Variants in NAV2 observed in about 807,000 individuals in gnomAD.
NAV2 encodes the protein neuron navigator 2, also known as helicase, APC down-regulated 1.
In NAV2, 54 loss-of-function variants were observed where a neutral mutation model predicts 223.2. That is an observed-to-expected ratio of 0.24 (90% CI 0.19 to 0.30). The LOEUF is 0.30. Ranked by LOEUF, NAV2 falls within the 10% of genes least tolerant of loss-of-function variation. The pLI is 1.00. For synonymous variants in NAV2, 1,279 were observed against 1,239.3 expected, an observed-to-expected ratio of 1.03 and a Z score of -0.67; for missense variants, 2,806 against 3,147.5, an observed-to-expected ratio of 0.89 and a Z score of 2.60.
At chr11:19,684,296 C>T (rs756921836) in intron 1 of NAV2, among the ~76,000 whole-genome samples, 3 of 152,194 alleles carry the variant, frequency 2.0e-5, no homozygotes, top group Admixed American at 2.0e-4. Context: ...TCACAATGTC[C>T]TCCCATCATT....
chr11:19,750,734 C>G (rs772749295), intron 1 of NAV2, among the ~76,000 whole-genome samples: 19 of 152,222 alleles, frequency 1.2e-4, no homozygotes, highest in East Asian at 5.8e-4. Flanking sequence ...GAGGCAGAGA[C>G]AGAGTCAGAA....
chr11:19,647,911 C>G (rs2047862731), intron 1 of NAV2, among the ~76,000 whole-genome samples: 1 of 152,182 alleles, frequency 6.6e-6, no homozygotes, highest in South Asian at 2.1e-4. Context: ...TTAATCCTCC[C>G]AACTGTTGTG....
At chr11:19,384,658 T>C (rs1848965399) in intron 1 of NAV2, 1 of 152,284 alleles carries the variant, frequency 6.6e-6, no homozygotes. Context: ...GATAGGACCA[T>C]GTATCCTGTA....
upstream of NAV2, among the ~76,000 whole-genome samples, chr11:19,709,717 C>G (rs2049805948): frequency 6.6e-6 from 1 of 151,890 alleles, no homozygotes; most frequent in African/African-American, 2.4e-5. Context: ...CGCCTGTAAT[C>G]CCAGCTGCAG....
chr11:20,047,956 C>T (rs1292713476), intron 14 of NAV2, among the ~76,000 whole-genome samples: 2 of 152,160 alleles, frequency 1.3e-5, no homozygotes, highest in East Asian at 1.9e-4. Flanking sequence ...GAGTTCTCTG[C>T]CAGTGGAAGA....
At chr11:19,733,704 A>G (rs1395661323) in intron 1 of NAV2, among the ~76,000 whole-genome samples, 1 of 152,144 alleles carries the variant, frequency 6.6e-6, no homozygotes, top group Non-Finnish European at 1.5e-5. Flanking sequence ...GAAAGCTATC[A>G]TGGGATTCCA....
chr11:19,657,094 C>T (rs1327996133), intron 1 of NAV2, among the ~76,000 whole-genome samples: 4 of 152,104 alleles, frequency 2.6e-5, no homozygotes, highest in Non-Finnish European at 5.9e-5. Flanking sequence ...GTTAGCTCTA[C>T]AGATTCAGAG....
rs140300014 is a variant in NAV2 at position 19,822,587 on chromosome 11, T to A, written c.268-9897T>A. ...GCTGGTCACTTGCTCTGTGTGAGTA[T>A]CCCTTTGAAACAAAGGCTTCTAGGT... On this transcript the variant is annotated intron_variant, in intron 1 of 37. Transcript: ENST00000349880. Among the ~76,000 whole-genome samples the A allele has an allele frequency of 5.9e-5, 9 of 152,252 alleles. No individual in the cohort carries two copies. The East Asian group carries it at 7.7e-4, about 13-fold the overall frequency.
intron 1 of NAV2, among the ~76,000 whole-genome samples, chr11:19,427,698 T>G (rs1460511529): frequency 6.6e-6 from 1 of 152,212 alleles, no homozygotes; most frequent in African/African-American, 2.4e-5. Flanking sequence ...ATTTAGGGTA[T>G]TTACCATTCT....
intron 1 of NAV2, among the ~76,000 whole-genome samples, chr11:19,824,239 T>TCC (rs1291968580): frequency 1.3e-5 from 2 of 152,212 alleles, no homozygotes; most frequent in African/African-American, 4.8e-5. Context: ...GGGATATGAC[T>TCC]CCCCAAGGGT....
At chr11:20,112,886 C>T (rs976546820) in intron 36 of NAV2, among the ~76,000 whole-genome samples, 4 of 152,216 alleles carry the variant, frequency 2.6e-5, no homozygotes, top group South Asian at 2.1e-4. Context: ...AGCTCAGCTT[C>T]ACACTGTTGT....
At chr11:19,522,379 A>G (rs938793818) in intron 1 of NAV2, among the ~76,000 whole-genome samples, 4 of 152,204 alleles carry the variant, frequency 2.6e-5, no homozygotes, top group Non-Finnish European at 5.9e-5. Context: ...TTCTGTGTTT[A>G]CAGGAGTGTG....
intron 35 of NAV2, chr11:20,107,362 A>G: frequency 4.1e-6 from 1 of 243,596 alleles, no homozygotes. Flanking sequence ...CTGGGATTAT[A>G]GGCGTGAGCC....
intron 1 of NAV2, among the ~76,000 whole-genome samples, chr11:19,831,849 G>T (rs1299952791): frequency 6.6e-6 from 1 of 152,146 alleles, no homozygotes; most frequent in Non-Finnish European, 1.5e-5. Context: ...AATTTGCTTG[G>T]TTTTGTTCAC....
At chr11:19,576,380 TC>T (rs2045571893) in intron 1 of NAV2, among the ~76,000 whole-genome samples, 1 of 152,180 alleles carries the variant, frequency 6.6e-6, no homozygotes, top group South Asian at 2.1e-4. Context: ...TTGAAACCAC[TC>T]GCTTCTTACT....
intron 11 of NAV2, among the ~76,000 whole-genome samples, chr11:20,010,435 C>G (rs1371273320): frequency 6.6e-6 from 1 of 152,146 alleles, no homozygotes; most frequent in Non-Finnish European, 1.5e-5. Context: ...TTGTGAGTCT[C>G]CTTTTCTCCC....
intron 11 of NAV2, among the ~76,000 whole-genome samples, chr11:19,990,980 T>C (rs1013017131): frequency 6.6e-5 from 10 of 152,316 alleles, no homozygotes; most frequent in African/African-American, 2.4e-4. Flanking sequence ...TCACTCTCCA[T>C]GTCACTTAAC....
chr11:19,978,312 C>T (rs369692382), intron 10 of NAV2, among the ~76,000 whole-genome samples: 4 of 152,154 alleles, frequency 2.6e-5, no homozygotes, highest in African/African-American at 9.7e-5. Context: ...GAATGTCACA[C>T]TGTATTATAA....
chr11:19,659,432 G>A (rs530620501), intron 1 of NAV2, among the ~76,000 whole-genome samples: 5 of 152,260 alleles, frequency 3.3e-5, no homozygotes, highest in Admixed American at 3.3e-4. Flanking sequence ...GTCTTAAGTG[G>A]GAGTTAACGT....
Sources: allele counts gnomAD v4.1 joint callset (sites outside exome capture counted in the v4.1 genomes callset), GRCh38; gene constraint gnomAD v4.1.1; transcripts MANE v1.5; gene names NCBI Gene and HGNC (gene_info 2026-07-23, HGNC 2026-07-21).